ZFPM2: variants seen among roughly 807,000 people sequenced by gnomAD.
The protein encoded by ZFPM2 is zinc finger protein, FOG family member 2, also known as zinc finger protein ZFPM2.
A neutral mutation model predicts 98.6 loss-of-function variants in ZFPM2; 20 were observed. The ratio of observed to expected loss-of-function variants is 0.20; its 90% confidence interval spans 0.14 to 0.29. The LOEUF is 0.29. Ranked by LOEUF, ZFPM2 falls within the 10% of genes least tolerant of loss-of-function variation. The pLI, the probability that ZFPM2 is intolerant of heterozygous loss-of-function variation, is 1.00. For missense variants in ZFPM2, 1,310 were observed against 1,388.6 expected (o/e 0.94, Z 0.90); for synonymous variants, 518 against 502.7 (o/e 1.03, Z -0.41).
intron 5 of ZFPM2, among the ~76,000 whole-genome samples, chr8:105,761,111 G>A (rs1812726366): frequency 6.6e-6 from 1 of 151,876 alleles, no homozygotes; most frequent in East Asian, 1.9e-4. Context: ...CAGTCTTTGG[G>A]GATATATTTC....
chr8:105,797,722 C>T (rs1471973888), intron 6 of ZFPM2, among the ~76,000 whole-genome samples: 2 of 152,168 alleles, frequency 1.3e-5, no homozygotes, highest in African/African-American at 4.8e-5. Flanking sequence ...CTCTTCTCCA[C>T]CAAACCAGCT....
At chr8:105,711,553 T>C (rs949726952) in intron 5 of ZFPM2, among the ~76,000 whole-genome samples, 3 of 152,108 alleles carry the variant, frequency 2.0e-5, no homozygotes, top group African/African-American at 7.2e-5. Context: ...ATGAACTTGT[T>C]ACTAATTTAT....
At chr8:105,681,507 G>A (rs527273089) in intron 5 of ZFPM2, among the ~76,000 whole-genome samples, 1 of 152,222 alleles carries the variant, frequency 6.6e-6, no homozygotes, top group South Asian at 2.1e-4. Flanking sequence ...GTACATGATT[G>A]TGTGTGTGTA....
intron 3 of ZFPM2, among the ~76,000 whole-genome samples, chr8:105,534,128 TCCC>T (rs1454794331): frequency 3.2e-5 from 2 of 61,994 alleles, no homozygotes; most frequent in Non-Finnish European, 6.1e-5. Context: ...CCTTCCTTCC[TCCC>T]TTCCTTCCTT....
At chr8:105,455,697 T>G (rs753502663) in intron 3 of ZFPM2, among the ~76,000 whole-genome samples, 17 of 152,202 alleles carry the variant, frequency 1.1e-4, no homozygotes, top group Non-Finnish European at 2.2e-4. Flanking sequence ...GAGAGCACTT[T>G]ATATATTTGT....
At chr8:105,660,210 A>G (rs1817361575) in intron 5 of ZFPM2, among the ~76,000 whole-genome samples, 1 of 152,086 alleles carries the variant, frequency 6.6e-6, no homozygotes, top group South Asian at 2.1e-4. Context: ...TGTTTAGGGT[A>G]TATTTTTCAC....
chr8:105,730,769 CT>C (rs1239093734), intron 5 of ZFPM2, among the ~76,000 whole-genome samples: 12 of 118,870 alleles, frequency 1.0e-4, no homozygotes, highest in African/African-American at 3.7e-4. Context: ...TGAACTTTTT[CT>C]TTTTTCTTTT....
chr8:105,555,082 CTT>C (rs879460703), intron 3 of ZFPM2, among the ~76,000 whole-genome samples: 5 of 140,440 alleles, frequency 3.6e-5, no homozygotes, highest in Admixed American at 7.2e-5. Flanking sequence ...GACTTAGGGC[CTT>C]TTTTTTTTTA....
intron 1 of ZFPM2, among the ~76,000 whole-genome samples, chr8:105,376,030 C>T (rs1422604885): frequency 6.6e-6 from 1 of 152,040 alleles, no homozygotes; most frequent in Non-Finnish European, 1.5e-5. Context: ...TGTTTCTATT[C>T]TTTCATTTCC....
At chr8:105,763,412 G>A (rs1812780299) in intron 5 of ZFPM2, among the ~76,000 whole-genome samples, 2 of 151,750 alleles carry the variant, frequency 1.3e-5, no homozygotes, top group South Asian at 4.1e-4. Context: ...GTGTTTTCTA[G>A]GGCCAATACC....
chr8:105,775,396 C>A (rs1327013092), intron 5 of ZFPM2, among the ~76,000 whole-genome samples: 1 of 151,802 alleles, frequency 6.6e-6, no homozygotes, highest in African/African-American at 2.4e-5. Context: ...ACACACAAGT[C>A]GTAATGAAAG....
intron 5 of ZFPM2, among the ~76,000 whole-genome samples, chr8:105,704,302 A>G (rs1481414126): frequency 1.3e-5 from 2 of 152,178 alleles, no homozygotes; most frequent in East Asian, 3.9e-4. Flanking sequence ...TTAGAAAACT[A>G]TCTGTTCTAA....
chr8:105,373,114 T>G (rs1810656556), intron 1 of ZFPM2, among the ~76,000 whole-genome samples: 1 of 152,206 alleles, frequency 6.6e-6, no homozygotes, highest in Admixed American at 6.5e-5. Flanking sequence ...CCAGGAGACC[T>G]CTTGTTGGCA....
chr8:105,382,820 CT>C (rs1187646076), intron 1 of ZFPM2, among the ~76,000 whole-genome samples: 1 of 152,030 alleles, frequency 6.6e-6, no homozygotes, highest in African/African-American at 2.4e-5. Context: ...AATTATGGGA[CT>C]TCAAAGAGTA....
chr8:105,446,399 T>G (rs1267543646), intron 3 of ZFPM2, among the ~76,000 whole-genome samples: 2 of 152,096 alleles, frequency 1.3e-5, no homozygotes, highest in Non-Finnish European at 2.9e-5. Context: ...CTGGGGCCCA[T>G]AGCTTTTCCA....
At chr8:105,357,715 C>T in intron 1 of ZFPM2, among the ~76,000 whole-genome samples, 1 of 151,844 alleles carries the variant, frequency 6.6e-6, no homozygotes, top group East Asian at 1.9e-4. Context: ...TAGAGATAAA[C>T]CATCAGTTTT....
At chr8:105,764,765 GATGTA>G (rs1177658666) in intron 5 of ZFPM2, among the ~76,000 whole-genome samples, 4 of 151,618 alleles carry the variant, frequency 2.6e-5, no homozygotes, top group Non-Finnish European at 5.9e-5. Flanking sequence ...TGACTTAAGT[GATGTA>G]ATGTACTGAA....
At chr8:105,374,996 A>G (rs1033827872) in intron 1 of ZFPM2, among the ~76,000 whole-genome samples, 2 of 152,154 alleles carry the variant, frequency 1.3e-5, no homozygotes, top group African/African-American at 4.8e-5. Context: ...GTCAAGTCCT[A>G]ACTTGCTTTT....
At chr8:105,634,644 A>C (rs1386977855) in intron 5 of ZFPM2, among the ~76,000 whole-genome samples, 1 of 152,120 alleles carries the variant, frequency 6.6e-6, no homozygotes, top group South Asian at 2.1e-4. Flanking sequence ...TGCTGTTAGT[A>C]TCATTGATAG....
Sources: gnomAD v4.1 joint callset for allele counts (sites outside exome capture counted in the v4.1 genomes callset) on GRCh38, gnomAD v4.1.1 for gene constraint, MANE v1.5 for transcripts, NCBI Gene and HGNC (gene_info 2026-07-23, HGNC 2026-07-21) for gene names.